Variants in BCKDHB observed in about 807,000 individuals in gnomAD.
BCKDHB encodes branched chain keto acid dehydrogenase E1 subunit beta, also known as 2-oxoisovalerate dehydrogenase subunit beta, mitochondrial.
Under a neutral mutation model 48.5 loss-of-function variants are expected in BCKDHB, and 41 were observed. The ratio of observed to expected loss-of-function variants is 0.85; its 90% CI spans 0.66 to 1.10. The LOEUF (loss-of-function observed/expected upper bound fraction) is 1.10, where lower values mean the gene tolerates loss of function less well. Ranked by LOEUF, BCKDHB falls within the 50% of genes least tolerant of loss-of-function variation. The probability of loss-of-function intolerance (pLI) is 0.00; values close to 1 mark genes in which losing one functional copy is unlikely to be tolerated. For synonymous variants in BCKDHB, 201 were observed against 174.8 expected, an observed-to-expected ratio of 1.15 and a Z score of -1.18; for missense variants, 496 against 494.2, an observed-to-expected ratio of 1.00 and a Z score of -0.03.
intron 3 of BCKDHB, among the ~76,000 whole-genome samples, chr6:80,143,837 C>A (rs1771338573): frequency 6.6e-6 from 1 of 152,126 alleles, no homozygotes; most frequent in Non-Finnish European, 1.5e-5. Flanking sequence ...ATAAATTAGT[C>A]AGAGGATTCT....
chr6:80,229,253 A>G (rs947768668), intron 8 of BCKDHB, among the ~76,000 whole-genome samples: 5 of 152,230 alleles, frequency 3.3e-5, no homozygotes, highest in Non-Finnish European at 5.9e-5. Context: ...AATTTTATGA[A>G]GAAAAATGAA....
At chr6:80,276,571 A>G (rs1343535030) in intron 9 of BCKDHB, among the ~76,000 whole-genome samples, 1 of 151,924 alleles carries the variant, frequency 6.6e-6, no homozygotes, top group Non-Finnish European at 1.5e-5. Flanking sequence ...AGAAATGAAT[A>G]TAAGATGGAG....
intron 9 of BCKDHB, among the ~76,000 whole-genome samples, chr6:80,340,117 C>T (rs1769812183): frequency 6.6e-6 from 1 of 152,140 alleles, no homozygotes; most frequent in East Asian, 1.9e-4. Context: ...AATGAAAATT[C>T]TCCTGTTGCA....
At chr6:80,319,027 G>T (rs1391860930) in intron 9 of BCKDHB, among the ~76,000 whole-genome samples, 1 of 152,194 alleles carries the variant, frequency 6.6e-6, no homozygotes, top group African/African-American at 2.4e-5. Flanking sequence ...GCACAGGAAA[G>T]ATAAGCCCTT....
intron 1 of BCKDHB, among the ~76,000 whole-genome samples, chr6:80,123,102 T>C (rs1770130908): frequency 6.6e-6 from 1 of 152,134 alleles, no homozygotes; most frequent in East Asian, 1.9e-4. Flanking sequence ...AAGAAAAATA[T>C]GGCTCTTTTT....
chr6:80,364,906 A>G, the BCKDHB span, among the ~76,000 whole-genome samples: 1 of 152,210 alleles, frequency 6.6e-6, no homozygotes, highest in Non-Finnish European at 1.5e-5. Context: ...GAGAGACAGT[A>G]TAAAGAGAAG....
chr6:80,116,690 T>A (rs1420245136), intron 1 of BCKDHB, among the ~76,000 whole-genome samples: 1 of 152,242 alleles, frequency 6.6e-6, no homozygotes, highest in African/African-American at 2.4e-5. Flanking sequence ...ATCCTTGATA[T>A]AGAAGAAAGT....
chr6:80,259,325 G>A (rs1035830287), intron 8 of BCKDHB, among the ~76,000 whole-genome samples: 11 of 152,152 alleles, frequency 7.2e-5, no homozygotes, highest in African/African-American at 2.2e-4. Context: ...GTTGTGTTCC[G>A]ATTTCAGAAT....
chr6:80,416,142 T>C, the BCKDHB span, among the ~76,000 whole-genome samples: 2 of 152,060 alleles, frequency 1.3e-5, no homozygotes, highest in South Asian at 4.1e-4. Context: ...TCTGATGGTG[T>C]GTATTTGTCT....
At chr6:80,136,830 A>T (rs116931912) in intron 3 of BCKDHB, among the ~76,000 whole-genome samples, 2,593 of 152,308 alleles carry the variant, frequency 0.017, 36 homozygotes, top group Non-Finnish European at 0.025. Context: ...ATTTATATAT[A>T]AATTACCAGT....
At chr6:80,223,243 A>G (rs1434026883) in intron 8 of BCKDHB, among the ~76,000 whole-genome samples, 2 of 152,208 alleles carry the variant, frequency 1.3e-5, no homozygotes, top group East Asian at 1.9e-4. Context: ...TTGAAATACA[A>G]TATTATTGCT....
chr6:80,139,576 C>T (rs1203172372), intron 3 of BCKDHB, among the ~76,000 whole-genome samples: 2 of 151,380 alleles, frequency 1.3e-5, no homozygotes, highest in South Asian at 2.1e-4. Flanking sequence ...TTCCCCATTG[C>T]TTGTTTTTCT....
At chr6:80,390,175 T>C in the BCKDHB span, among the ~76,000 whole-genome samples, 13 of 151,886 alleles carry the variant, frequency 8.6e-5, no homozygotes, top group African/African-American at 2.9e-4. Flanking sequence ...TAAGGAAGAG[T>C]ATGCGTGGAA....
intron 3 of BCKDHB, among the ~76,000 whole-genome samples, chr6:80,145,420 C>T (rs1370545860): frequency 6.6e-6 from 1 of 152,158 alleles, no homozygotes; most frequent in Non-Finnish European, 1.5e-5. Context: ...TCCCCCAAAC[C>T]ACCTCATCCA....
intron 8 of BCKDHB, among the ~76,000 whole-genome samples, chr6:80,230,061 C>T (rs1486238549): frequency 2.0e-4 from 14 of 71,266 alleles, no homozygotes; most frequent in Non-Finnish European, 2.5e-4. Flanking sequence ...TTTTTTGAGA[C>T]GGAGTCTCAC....
the BCKDHB span, among the ~76,000 whole-genome samples, chr6:80,357,901 C>A: frequency 1.3e-5 from 2 of 152,266 alleles, no homozygotes; most frequent in South Asian, 4.1e-4. Context: ...ATGCTTTTTT[C>A]TTCTTGCACT....
intron 9 of BCKDHB, among the ~76,000 whole-genome samples, chr6:80,305,686 C>T (rs556530681): frequency 1.3e-5 from 2 of 152,102 alleles, no homozygotes; most frequent in African/African-American, 4.8e-5. Context: ...AGGAGCCCCC[C>T]ACATGTAGAT....
the BCKDHB span, among the ~76,000 whole-genome samples, chr6:80,403,822 A>T: frequency 6.6e-6 from 1 of 152,052 alleles, no homozygotes; most frequent in Admixed American, 6.6e-5. Context: ...TTTTCTGCAT[A>T]TATTAAGATA....
At chr6:80,377,508 A>G in the BCKDHB span, among the ~76,000 whole-genome samples, 188 of 152,244 alleles carry the variant, frequency 1.2e-3, no homozygotes, top group African/African-American at 4.4e-3. Context: ...GACCCATTTT[A>G]AGTTAATTTC....
Sources: allele counts gnomAD v4.1 joint callset (sites outside exome capture counted in the v4.1 genomes callset), GRCh38; gene constraint gnomAD v4.1.1; transcripts MANE v1.5; gene names NCBI Gene and HGNC (gene_info 2026-07-23, HGNC 2026-07-21).